MACROD2: variants seen among roughly 807,000 people sequenced by gnomAD.
The protein encoded by MACROD2 is mono-ADP ribosylhydrolase 2.
Under a neutral mutation model 70.4 loss-of-function variants are expected in MACROD2, and 36 were observed. The observed-to-expected ratio is 0.51, with a 90% CI of 0.39 to 0.68. The LOEUF is 0.68. Among genes scored for constraint, MACROD2 ranks in the 30% least tolerant of loss-of-function variants. The pLI is 0.00. For synonymous variants in MACROD2, 172 were observed against 178.8 expected (o/e 0.96, Z 0.30); for missense variants, 496 against 538.4 (o/e 0.92, Z 0.78).
chr20:14,292,630 G>A lies in MACROD2; in HGVS notation c.272-200849G>A, dbSNP rs148463469. 2.7e-3 allele frequency among the ~76,000 whole-genome samples: 416 copies of A among 151,868 alleles called. 10 individuals are homozygous for A. The highest frequency in any genetic ancestry group is 9.7e-3 in the African/African-American group (401 of 41,266). On this transcript the variant is annotated intron_variant, in intron 3 of 17. Transcript: ENST00000684519. ...ACTAAAAGCTCATTCATTCATTCAT[G>A]CTTTTTGTTTTGTTTTGTTTTGAGA...
chr20:15,778,077 A>C (rs1255846910), intron 8 of MACROD2, among the ~76,000 whole-genome samples: 2 of 152,188 alleles, frequency 1.3e-5, no homozygotes, highest in African/African-American at 2.4e-5. Context: ...CTCAGGTGAT[A>C]ATCCCACTAA....
At chr20:15,046,911 T>G (rs2123041185) in intron 5 of MACROD2, among the ~76,000 whole-genome samples, 1 of 152,362 alleles carries the variant, frequency 6.6e-6, no homozygotes, top group South Asian at 2.1e-4. Context: ...CTGTTCCTCT[T>G]AACATTTTGT....
At chr20:14,156,377 G>A (rs11698906) in intron 3 of MACROD2, among the ~76,000 whole-genome samples, 4,707 of 152,076 alleles carry the variant, frequency 0.031, 81 homozygotes, top group African/African-American at 0.041. Context: ...TTGCGTTTGC[G>A]GTATTGCTTA....
Position 15,825,494 on chromosome 20 carries a change from T to G in MACROD2, c.646-37251T>G, listed in dbSNP as rs536726058. On this transcript the variant is annotated intron_variant, in intron 8 of 17. Transcript: ENST00000684519. ...TGTAGACATGATAAAATGGTTTTTTTTTGTTGTTGGTTTTTTTTTTTCGAG... is the reference window on the plus strand; with the variant it reads ...TGTAGACATGATAAAATGGTTTTTTGTTGTTGTTGGTTTTTTTTTTTCGAG... 2.7e-4 allele frequency among the ~76,000 whole-genome samples: 41 copies of G among 151,562 alleles called. No homozygotes were observed. The East Asian group carries it at 4.1e-3, about 15-fold the overall frequency.
intron 15 of MACROD2, among the ~76,000 whole-genome samples, chr20:16,018,157 A>T (rs1300096049): frequency 6.6e-6 from 1 of 152,192 alleles, no homozygotes; most frequent in Non-Finnish European, 1.5e-5. Flanking sequence ...ATGGCTCAGG[A>T]AGGCCTTATG....
chr20:14,078,961 A>G (rs2053952929), intron 2 of MACROD2, among the ~76,000 whole-genome samples: 1 of 152,216 alleles, frequency 6.6e-6, no homozygotes, highest in Admixed American at 6.5e-5. Flanking sequence ...ATTGTCCATC[A>G]TATGTTCTGG....
intron 8 of MACROD2, among the ~76,000 whole-genome samples, chr20:15,722,326 T>C (rs539674634): frequency 6.6e-6 from 1 of 152,062 alleles, no homozygotes; most frequent in African/African-American, 2.4e-5. Flanking sequence ...CCCAAGGAGG[T>C]TGTACCAAAT....
chr20:15,726,997 C>G (rs1478228304), intron 8 of MACROD2, among the ~76,000 whole-genome samples: 1 of 152,024 alleles, frequency 6.6e-6, no homozygotes, highest in African/African-American at 2.4e-5. Flanking sequence ...GTCATGAAAC[C>G]TTTGTCAGGG....
At chr20:14,273,222 A>C (rs531630721) in intron 3 of MACROD2, among the ~76,000 whole-genome samples, 66 of 152,228 alleles carry the variant, frequency 4.3e-4, no homozygotes, top group Non-Finnish European at 6.5e-4. Flanking sequence ...CATGTATTCC[A>C]AAATTGACCA....
chr20:14,918,426 C>T lies in MACROD2; in HGVS notation c.418+233467C>T, dbSNP rs532811292. Reference sequence around the variant, plus strand: ...GAAGGTAAGGTACCATCCAGGCAACCGGAGGAGGGATTGGCCTTGGCTAGA... The same window carrying T: ...GAAGGTAAGGTACCATCCAGGCAACTGGAGGAGGGATTGGCCTTGGCTAGA... On this transcript the variant is annotated intron_variant, in intron 5 of 17. Coordinates refer to ENST00000684519, the MANE Select transcript of MACROD2 (RefSeq NM_001351661.2). 3.9e-5 allele frequency among the ~76,000 whole-genome samples: 6 copies of T among 152,182 alleles called. No homozygotes were observed. The South Asian group carries it at 1.2e-3, about 32-fold the overall frequency.
chr20:15,985,049 A>G (rs1316490806), intron 13 of MACROD2, among the ~76,000 whole-genome samples: 2 of 152,242 alleles, frequency 1.3e-5, no homozygotes, highest in Non-Finnish European at 2.9e-5. Context: ...CTTCCTTCTG[A>G]TGGCCAACCT....
At chr20:14,777,359 G>A (rs2072246861) in intron 5 of MACROD2, among the ~76,000 whole-genome samples, 1 of 151,952 alleles carries the variant, frequency 6.6e-6, no homozygotes, top group Non-Finnish European at 1.5e-5. Flanking sequence ...GCTCTACTAA[G>A]GGCTGGTTCT....
At chr20:14,877,119 C>T (rs371890566) in intron 5 of MACROD2, among the ~76,000 whole-genome samples, 8 of 152,260 alleles carry the variant, frequency 5.3e-5, no homozygotes, top group African/African-American at 1.7e-4. Flanking sequence ...TTTGTGTCAT[C>T]TGTGATTACT....
At chr20:14,687,679 C>T (rs1013753301) in intron 5 of MACROD2, among the ~76,000 whole-genome samples, 3 of 152,174 alleles carry the variant, frequency 2.0e-5, no homozygotes, top group African/African-American at 4.8e-5. Flanking sequence ...ATACTCAAGT[C>T]ACTGCATGCA....
chr20:15,612,210 A>T (rs573722600), intron 8 of MACROD2, among the ~76,000 whole-genome samples: 1 of 152,216 alleles, frequency 6.6e-6, no homozygotes. Flanking sequence ...CAGCTATAGC[A>T]TGAGCCATGC....
At chr20:14,809,831 T>C (rs2072687310) in intron 5 of MACROD2, among the ~76,000 whole-genome samples, 1 of 152,042 alleles carries the variant, frequency 6.6e-6, no homozygotes, top group Non-Finnish European at 1.5e-5. Flanking sequence ...CTAGAAAATC[T>C]AGAAGAAATG....
intron 15 of MACROD2, among the ~76,000 whole-genome samples, chr20:16,038,532 GT>G (rs11481332): frequency 2.5e-4 from 36 of 143,972 alleles, no homozygotes; most frequent in South Asian, 6.6e-4. Flanking sequence ...TTTTTGTGGG[GT>G]TTTTTTTTTT....
intron 5 of MACROD2, among the ~76,000 whole-genome samples, chr20:14,997,562 G>A (rs536141142): frequency 6.6e-6 from 1 of 152,254 alleles, no homozygotes; most frequent in South Asian, 2.1e-4. Context: ...CTTGCAACTT[G>A]GGTACCAGCT....
At chr20:14,363,835 A>T (rs1318105466) in intron 3 of MACROD2, among the ~76,000 whole-genome samples, 1 of 150,322 alleles carries the variant, frequency 6.7e-6, no homozygotes, top group Admixed American at 6.6e-5. Context: ...AAAAAAAAAA[A>T]AAAAAAAAAA....
Sources: gnomAD v4.1 joint callset for allele counts (sites outside exome capture counted in the v4.1 genomes callset) on GRCh38, gnomAD v4.1.1 for gene constraint, MANE v1.5 for transcripts, NCBI Gene and HGNC (gene_info 2026-07-23, HGNC 2026-07-21) for gene names.